Variants in TMEM178B observed in about 807,000 individuals in gnomAD.
TMEM178B encodes the protein transmembrane protein 178B.
In TMEM178B, 5 loss-of-function variants were observed where a neutral mutation model predicts 31.0. The observed-to-expected ratio is 0.16, with a 90% CI of 0.08 to 0.34. The LOEUF (loss-of-function observed/expected upper bound fraction) is 0.34. Among genes scored for constraint, TMEM178B ranks in the 10% least tolerant of loss-of-function variants. TMEM178B has a pLI of 1.00. For missense variants in TMEM178B, 275 were observed against 400.3 expected (o/e 0.69, Z 2.67); for synonymous variants, 164 against 164.0 (o/e 1.00, Z 0.00).
At chr7:141,427,095 A>C (rs929123976) in intron 2 of TMEM178B, among the ~76,000 whole-genome samples, 3 of 152,212 alleles carry the variant, frequency 2.0e-5, no homozygotes, top group African/African-American at 4.8e-5. Context: ...TTCCATGTTC[A>C]TGGATTGGAA....
intron 2 of TMEM178B, among the ~76,000 whole-genome samples, chr7:141,417,659 C>T (rs1014904658): frequency 4.6e-5 from 7 of 152,144 alleles, no homozygotes; most frequent in Admixed American, 4.6e-4. Flanking sequence ...CTCCCTACCC[C>T]CCACCTAGCA....
At chr7:141,330,515 C>T (rs958469666) in intron 2 of TMEM178B, among the ~76,000 whole-genome samples, 1 of 152,042 alleles carries the variant, frequency 6.6e-6, no homozygotes, top group Admixed American at 6.6e-5. Context: ...TTTCTTTATC[C>T]AGTCTATATT....
intron 3 of TMEM178B, among the ~76,000 whole-genome samples, chr7:141,438,034 C>T (rs1030298159): frequency 2.0e-5 from 3 of 152,120 alleles, no homozygotes; most frequent in African/African-American, 7.2e-5. Flanking sequence ...CGGGTGGTTA[C>T]GGCAGATGGA....
chr7:141,104,508 C>G (rs1250050203), intron 1 of TMEM178B, among the ~76,000 whole-genome samples: 1 of 152,232 alleles, frequency 6.6e-6, no homozygotes, highest in Admixed American at 6.5e-5. Flanking sequence ...TGCTCTGTCT[C>G]TGCCCTCTCA....
At chr7:141,361,657 C>T (rs1415458226) in intron 2 of TMEM178B, among the ~76,000 whole-genome samples, 2 of 152,218 alleles carry the variant, frequency 1.3e-5, no homozygotes, top group East Asian at 1.9e-4. Context: ...ACCCTTGTCC[C>T]GTTTTAGCCT....
intron 1 of TMEM178B, among the ~76,000 whole-genome samples, chr7:141,088,457 A>G (rs756205851): frequency 2.7e-5 from 4 of 145,946 alleles, no homozygotes; most frequent in Non-Finnish European, 4.6e-5. Flanking sequence ...CTGTGTAGAT[A>G]TCCTTCAGAA....
At chr7:141,501,004 G>A in the TMEM178B span, among the ~76,000 whole-genome samples, 5 of 152,162 alleles carry the variant, frequency 3.3e-5, no homozygotes, top group Admixed American at 6.5e-5. Context: ...TATTTTATCC[G>A]TGTTGAAAAT....
At chr7:141,091,371 A>G (rs1172736644) in intron 1 of TMEM178B, among the ~76,000 whole-genome samples, 2 of 152,204 alleles carry the variant, frequency 1.3e-5, no homozygotes, top group Non-Finnish European at 2.9e-5. Context: ...TATTTATTTA[A>G]AAACCTGTAG....
chr7:141,177,367 C>T (rs556776049), intron 1 of TMEM178B, among the ~76,000 whole-genome samples: 1 of 152,192 alleles, frequency 6.6e-6, no homozygotes, highest in South Asian at 2.1e-4. Flanking sequence ...CTTTCAATTA[C>T]GTGGTCAATT....
chr7:141,510,776 C>A, the TMEM178B span, among the ~76,000 whole-genome samples: 1 of 149,594 alleles, frequency 6.7e-6, no homozygotes, highest in African/African-American at 2.5e-5. Flanking sequence ...AACCCAAAAC[C>A]CTTGGTTTCC....
intron 1 of TMEM178B, among the ~76,000 whole-genome samples, chr7:141,174,569 C>T: frequency 6.6e-6 from 1 of 152,190 alleles, no homozygotes. Flanking sequence ...CTAATTTACA[C>T]TCCCACCAAC....
intron 2 of TMEM178B, among the ~76,000 whole-genome samples, chr7:141,363,789 A>G (rs1799957167): frequency 6.6e-6 from 1 of 152,136 alleles, no homozygotes; most frequent in Non-Finnish European, 1.5e-5. Context: ...CTATTCTCAA[A>G]GTTAAGTAGA....
At chr7:141,508,108 A>G in the TMEM178B span, among the ~76,000 whole-genome samples, 1 of 152,264 alleles carries the variant, frequency 6.6e-6, no homozygotes, top group Admixed American at 6.5e-5. Context: ...ACAAAACTGA[A>G]CACCTTTAAC....
intron 1 of TMEM178B, among the ~76,000 whole-genome samples, chr7:141,143,999 C>T (rs373456755): frequency 5.9e-4 from 90 of 152,084 alleles, no homozygotes; most frequent in African/African-American, 2.0e-3. Flanking sequence ...AATGGGATTG[C>T]GTTCTTGATT....
chr7:141,129,547 G>C (rs1795560941), intron 1 of TMEM178B, among the ~76,000 whole-genome samples: 1 of 152,092 alleles, frequency 6.6e-6, no homozygotes, highest in South Asian at 2.1e-4. Context: ...AAAAACTCCT[G>C]CCAAATAAAT....
At chr7:141,089,022 G>A (rs1033161119) in intron 1 of TMEM178B, among the ~76,000 whole-genome samples, 1 of 152,082 alleles carries the variant, frequency 6.6e-6, no homozygotes, top group African/African-American at 2.4e-5. Context: ...TACCTATTAT[G>A]GCCCATGCAT....
chr7:141,362,941 T>C (rs1799941337), intron 2 of TMEM178B, among the ~76,000 whole-genome samples: 2 of 152,330 alleles, frequency 1.3e-5, no homozygotes, highest in South Asian at 4.1e-4. Context: ...AGGTCAGATA[T>C]GGCCGGAACC....
In TMEM178B at chr7:141,247,085, G is replaced by A. The variant is rs966136997; in HGVS notation, c.496+34381G>A. Among the ~76,000 whole-genome samples, 5 of 152,012 alleles carry A rather than the reference G, an allele frequency of 3.3e-5. No homozygotes were observed. The East Asian group carries it at 9.7e-4, about 29-fold the overall frequency. On this transcript the variant is annotated intron_variant, in intron 2 of 3. Transcript: ENST00000565468. Reference sequence around the variant, plus strand: ...AATCCTGACAGAATTATATATGTATGTGTGTACATATGTATAAATCTTTCG... The same window carrying A: ...AATCCTGACAGAATTATATATGTATATGTGTACATATGTATAAATCTTTCG...
At chr7:141,102,573 A>G (rs1266941352) in intron 1 of TMEM178B, among the ~76,000 whole-genome samples, 1 of 152,188 alleles carries the variant, frequency 6.6e-6, no homozygotes, top group East Asian at 1.9e-4. Flanking sequence ...GCCAACAGAA[A>G]CGTGCTAGTT....
Sources: gnomAD v4.1 joint callset for allele counts (sites outside exome capture counted in the v4.1 genomes callset) on GRCh38, gnomAD v4.1.1 for gene constraint, MANE v1.5 for transcripts, NCBI Gene and HGNC (gene_info 2026-07-23, HGNC 2026-07-21) for gene names.